ABCA9: variants seen among roughly 807,000 people sequenced by gnomAD.
The protein encoded by ABCA9 is ATP-binding cassette sub-family A member 9.
Under a neutral mutation model 205.3 loss-of-function variants are expected in ABCA9, and 183 were observed. The observed-to-expected ratio is 0.89, with a 90% CI of 0.79 to 1.01. ABCA9 has a LOEUF of 1.01. Ranked by LOEUF, ABCA9 falls within the 50% of genes least tolerant of loss-of-function variation. The probability of loss-of-function intolerance (pLI) is 0.00; values close to 1 mark genes in which losing one functional copy is unlikely to be tolerated. For synonymous variants in ABCA9, 651 were observed against 683.3 expected (o/e 0.95, Z 0.74); for missense variants, 1,805 against 1,912.4 (o/e 0.94, Z 1.05).
At chr17:68,984,843 A>T (rs763802575) in intron 34 of ABCA9, 42 bp downstream of exon 34, 3 of 1,613,332 alleles carry the variant, frequency 1.9e-6, no homozygotes, top group Non-Finnish European at 1.7e-6. Flanking sequence ...TTTTCACAGG[A>T]TCAATACACT....
chr17:68,999,381 G>GT (rs1472750310), intron 25 of ABCA9, among the ~76,000 whole-genome samples: 2 of 140,154 alleles, frequency 1.4e-5, no homozygotes, highest in Non-Finnish European at 3.1e-5. Context: ...GCGGTGTTTG[G>GT]TTTTTTGTTC....
At chr17:68,985,032 A>G (rs2069184213) in intron 33 of ABCA9, 21 bp downstream of exon 33, 10 of 1,614,186 alleles carry the variant, frequency 6.2e-6, no homozygotes, top group Non-Finnish European at 8.5e-6. Context: ...CTTGCAGAGC[A>G]ACAACAAGCC....
At chr17:69,073,359 C>T in the ABCA9 span, among the ~76,000 whole-genome samples, 1 of 152,164 alleles carries the variant, frequency 6.6e-6, no homozygotes, top group Non-Finnish European at 1.5e-5. Context: ...AAGTAAAACA[C>T]TCCTCAGCAA....
chr17:68,976,084 A>G, intron 38 of ABCA9, 51 bp downstream of exon 38: 3 of 1,601,862 alleles, frequency 1.9e-6, no homozygotes, highest in South Asian at 1.1e-5. Flanking sequence ...AGGCGAATGC[A>G]TTATACATGT....
At chr17:68,978,041 C>T (rs1400606247) in intron 37 of ABCA9, among the ~76,000 whole-genome samples, 2 of 152,052 alleles carry the variant, frequency 1.3e-5, no homozygotes, top group African/African-American at 2.4e-5. Flanking sequence ...CTTTCTGTCT[C>T]GATCTGTCTA....
chr17:69,015,383 C>T lies in ABCA9; in HGVS notation c.3039+870G>A, dbSNP rs2070549205. On this transcript the variant is annotated intron_variant, in intron 22 of 38. Coordinates refer to ENST00000340001, the MANE Select transcript of ABCA9 (RefSeq NM_080283.4). ...CCAGACGAAGTGTGTTTCAACATAA[C>T]AAGATGAAAGAGGTGACCTGAAGAC... Among the ~76,000 whole-genome samples, 3 of 152,200 alleles carry T rather than the reference C, an allele frequency of 2.0e-5. No individual in the cohort carries two copies. The South Asian group carries it at 6.2e-4, about 32-fold the overall frequency.
chr17:69,048,766 T>G (rs1192296298), intron 3 of ABCA9, among the ~76,000 whole-genome samples: 1 of 152,240 alleles, frequency 6.6e-6, no homozygotes, highest in East Asian at 1.9e-4. Flanking sequence ...AAGAAGTTTC[T>G]TCAGGACCAT....
rs767415670 is a variant in ABCA9 at position 69,029,145 on chromosome 17, T to A, written c.1504+24A>T. 4 of 1,432,730 alleles carry A rather than the reference T, an allele frequency of 2.8e-6. No homozygotes were observed. The South Asian group carries it at 5.1e-5, about 18-fold the overall frequency. The allele number at this position is 1,432,730 out of a possible 1,614,324, so 88.8% of individuals were successfully genotyped here. ...GCAGCCACTAAATCAAGCAGCCCCA[T>A]TAAATAAAATATTATTTTATTACCT... On this transcript the variant is annotated intron_variant, in intron 11 of 38. Coordinates refer to ENST00000340001, the MANE Select transcript of ABCA9 (RefSeq NM_080283.4).
At position 68,982,580 on chromosome 17, in the gene ABCA9, A is replaced by T. The variant is rs1281580067; in HGVS notation, c.4702T>A (p.Phe1568Ile). 6.2e-7 allele frequency: 1 copy of T among 1,614,020 alleles called. No homozygotes were observed. The highest frequency in any genetic ancestry group is 8.5e-7 in the Non-Finnish European group (1 of 1,179,862). Residue 1568 changes from phenylalanine to isoleucine, a missense_variant, in exon 37 of 39, where the codon TTC (phenylalanine) becomes ATC (isoleucine). By Grantham distance (21) the Phe-to-Ile change is conservative (BLOSUM62 0). Transcript: ENST00000340001. ...VEDVRPLSQA[F>I]FKLEIVKQSF... ...CTCTTACCTATCTCTAATTTGAAGA[A>T]AGCCTGTGATAAAGGTCGCACATCC...
At chr17:69,000,875 C>A (rs1431879133) in intron 25 of ABCA9, among the ~76,000 whole-genome samples, 36 of 145,576 alleles carry the variant, frequency 2.5e-4, no homozygotes, top group South Asian at 2.1e-4. Context: ...ATTTTATTCT[C>A]TTTGAAGCAA....
intron 1 of ABCA9, among the ~76,000 whole-genome samples, chr17:69,056,535 A>C (rs1391644737): frequency 1.3e-5 from 2 of 152,194 alleles, no homozygotes; most frequent in African/African-American, 2.4e-5. Flanking sequence ...TTCAAAACAG[A>C]AAGCATCACT....
the ABCA9 span, among the ~76,000 whole-genome samples, chr17:69,067,458 A>T: frequency 6.6e-6 from 1 of 151,710 alleles, no homozygotes; most frequent in Non-Finnish European, 1.5e-5. Flanking sequence ...TGAGGTGGGA[A>T]CATCACTTGA....
intron 16 of ABCA9, among the ~76,000 whole-genome samples, chr17:69,026,021 A>C (rs149103790): frequency 1.3e-5 from 2 of 152,274 alleles, no homozygotes; most frequent in East Asian, 3.9e-4. Context: ...AAAGAAATGA[A>C]GTCAGGGAGA....
intron 1 of ABCA9, among the ~76,000 whole-genome samples, chr17:69,053,528 A>T (rs1006630355): frequency 2.6e-5 from 4 of 152,220 alleles, no homozygotes; most frequent in African/African-American, 9.7e-5. Context: ...AACCAAAAAT[A>T]AATGCCTAAT....
chr17:69,017,744 A>G lies in ABCA9; in HGVS notation c.2813T>C (p.Ile938Thr), dbSNP rs1365920456. 8 of 1,613,338 alleles carry G rather than the reference A, an allele frequency of 5.0e-6. No homozygotes were observed. Among genetic ancestry groups the G allele is most frequent in the Admixed American group, 3.3e-5 (2 of 59,964 alleles). Residue 938 changes from isoleucine to threonine, a missense_variant, in exon 21 of 39, where the codon ATA becomes ACA. Transcript: ENST00000340001. ...NFLHSLRRQN[I>T]AIEVDAFGTR... ...TCCAAAGGCATCCACTTCTATAGCT[A>G]TGTTCTGTCGCCTCAGTGAATGTAA...
chr17:68,995,936 G>T lies in ABCA9; in HGVS notation c.3514C>A (p.Pro1172Thr), dbSNP rs766558504. ...AGAGAGCCAATCAATGTGAAGGGAG[G>T]TATTAACATGGTGCCAAAAAATAGC... is the stretch of plus-strand genomic sequence containing the variant. ...LGLFFGTMLI[P>T]PFTLIGSLFI... Residue 1172 changes from proline to threonine, a missense_variant, in exon 26 of 39, where the codon CCT (proline) becomes ACT (threonine). By Grantham distance (38) the Pro-to-Thr change is conservative (BLOSUM62 -1). Transcript: ENST00000340001. The T allele has an allele frequency of 3.7e-6, 6 of 1,613,642 alleles. No homozygotes were observed. The highest frequency in any genetic ancestry group is 4.2e-6 in the Non-Finnish European group (5 of 1,179,906).
chr17:69,008,320 A>AT, intron 23 of ABCA9, 85 bp from the exon 24 acceptor site: 1 of 1,306,136 alleles, frequency 7.7e-7, no homozygotes, highest in East Asian at 2.3e-5. Flanking sequence ...GAAAGCATTC[A>AT]TTTTTGCTTC....
At chr17:68,990,037 A>C in intron 29 of ABCA9, 107 bp from the exon 30 acceptor site, 2 of 779,402 alleles carry the variant, frequency 2.6e-6, no homozygotes, top group South Asian at 1.8e-5. Context: ...CATGAATCAA[A>C]CCACTTCTTC....
intron 37 of ABCA9, among the ~76,000 whole-genome samples, chr17:68,977,306 A>T (rs2068917674): frequency 1.3e-5 from 2 of 152,272 alleles, no homozygotes; most frequent in South Asian, 4.1e-4. Flanking sequence ...GAAAGTCATC[A>T]AGGAACCCAT....
Sources: gnomAD v4.1 joint callset for allele counts (sites outside exome capture counted in the v4.1 genomes callset) on GRCh38, gnomAD v4.1.1 for gene constraint, MANE v1.5 for transcripts, NCBI Gene and HGNC (gene_info 2026-07-23, HGNC 2026-07-21) for gene names.